Variants in DAB1 observed in about 807,000 individuals in gnomAD.
DAB1 encodes the protein disabled homolog 1.
In DAB1, 15 loss-of-function variants were observed where a neutral mutation model predicts 64.6. That is an observed-to-expected ratio of 0.23 (90% CI 0.16 to 0.36). The LOEUF (loss-of-function observed/expected upper bound fraction) is 0.36. Ranked by LOEUF, DAB1 falls within the 10% of genes least tolerant of loss-of-function variation. DAB1 has a pLI of 1.00. For missense variants in DAB1, 596 were observed against 706.7 expected (o/e 0.84, Z 1.78); for synonymous variants, 235 against 251.9 (o/e 0.93, Z 0.64).
At chr1:57,031,888 C>T (rs535921030) in intron 9 of DAB1, among the ~76,000 whole-genome samples, 1 of 152,240 alleles carries the variant, frequency 6.6e-6, no homozygotes, top group African/African-American at 2.4e-5. Flanking sequence ...AGTTTTGCCC[C>T]TTTTTTAGCC....
chr1:57,447,555 T>C (rs12033655), intron 7 of DAB1, among the ~76,000 whole-genome samples: 51,456 of 152,162 alleles, frequency 0.34, 9,133 homozygotes, highest in East Asian at 0.54. Context: ...CTGTGGGCTT[T>C]ATTTTCAGAA....
intron 3 of DAB1, among the ~76,000 whole-genome samples, chr1:58,422,804 T>C (rs1407822282): frequency 1.4e-5 from 2 of 143,456 alleles, no homozygotes; most frequent in Non-Finnish European, 3.1e-5. Flanking sequence ...CCTCTGCTAA[T>C]GCTACTGCAA....
intron 1 of DAB1, among the ~76,000 whole-genome samples, chr1:57,872,785 G>A (rs1442291619): frequency 3.3e-5 from 5 of 152,256 alleles, no homozygotes; most frequent in Admixed American, 6.5e-5. Context: ...ATGTTCCATA[G>A]AGAAGGGATG....
intron 4 of DAB1, among the ~76,000 whole-genome samples, chr1:58,311,673 C>T (rs934413387): frequency 6.6e-6 from 1 of 152,140 alleles, no homozygotes; most frequent in African/African-American, 2.4e-5. Flanking sequence ...CCCAACCCCC[C>T]TTTCTTCCTC....
intron 6 of DAB1, among the ~76,000 whole-genome samples, chr1:57,719,137 T>C (rs1647120293): frequency 6.6e-6 from 1 of 152,256 alleles, no homozygotes; most frequent in African/African-American, 2.4e-5. Context: ...AAAATTTCCA[T>C]GGCCGCTGAG....
At chr1:58,526,000 G>A (rs1646343657) in intron 2 of DAB1, among the ~76,000 whole-genome samples, 1 of 151,662 alleles carries the variant, frequency 6.6e-6, no homozygotes, top group Non-Finnish European at 1.5e-5. Context: ...CTATCCATAG[G>A]GGAAAAAAAA....
intron 2 of DAB1, among the ~76,000 whole-genome samples, chr1:57,224,501 C>T (rs1298503028): frequency 6.6e-6 from 1 of 152,192 alleles, no homozygotes; most frequent in Non-Finnish European, 1.5e-5. Context: ...AGATGCTGCT[C>T]TCTAACCAGT....
At chr1:57,338,948 C>T (rs544222769) in intron 1 of DAB1, among the ~76,000 whole-genome samples, 1 of 152,222 alleles carries the variant, frequency 6.6e-6, no homozygotes, top group Non-Finnish European at 1.5e-5. Flanking sequence ...AAGTTACTTA[C>T]CTTTTTTAAG....
At chr1:57,533,539 GTATATATATATATA>G (rs59378470) in intron 7 of DAB1, among the ~76,000 whole-genome samples, 104,842 of 143,864 alleles carry the variant, frequency 0.73, 38,056 homozygotes, top group South Asian at 0.82. Context: ...TTCATAACAG[GTATATATATATATA>G]TATATATATA....
At chr1:57,768,050 G>A (rs767685774) in intron 6 of DAB1, among the ~76,000 whole-genome samples, 3 of 151,518 alleles carry the variant, frequency 2.0e-5, no homozygotes, top group Admixed American at 6.6e-5. Context: ...GGTGGTGTGC[G>A]CCTGTAATCC....
At chr1:58,496,753 A>G (rs902440561) in intron 3 of DAB1, among the ~76,000 whole-genome samples, 5 of 152,188 alleles carry the variant, frequency 3.3e-5, no homozygotes, top group African/African-American at 1.2e-4. Context: ...TCTTAAGTCT[A>G]TTCCTGAATA....
chr1:58,222,264 T>C (rs1263836844), intron 4 of DAB1, among the ~76,000 whole-genome samples: 1 of 152,138 alleles, frequency 6.6e-6, no homozygotes, highest in Non-Finnish European at 1.5e-5. Context: ...GCTGTGTATA[T>C]GTATATATAC....
chr1:57,241,729 A>G (rs963066369), intron 2 of DAB1, among the ~76,000 whole-genome samples: 1 of 152,102 alleles, frequency 6.6e-6, no homozygotes, highest in African/African-American at 2.4e-5. Flanking sequence ...TCCTTGGAAT[A>G]AGGACCTCAC....
intron 7 of DAB1, among the ~76,000 whole-genome samples, chr1:57,562,905 C>T (rs765715730): frequency 1.3e-5 from 2 of 152,120 alleles, no homozygotes; most frequent in African/African-American, 4.8e-5. Context: ...TTGACCCAGA[C>T]TATCAAGACG....
At chr1:58,287,690 T>C (rs1036939331) in intron 4 of DAB1, among the ~76,000 whole-genome samples, 4 of 152,076 alleles carry the variant, frequency 2.6e-5, no homozygotes, top group African/African-American at 9.7e-5. Flanking sequence ...TCATATTCTA[T>C]TGGTCAAGCA....
intron 2 of DAB1, among the ~76,000 whole-genome samples, chr1:57,229,490 C>A (rs748282869): frequency 6.6e-6 from 1 of 151,602 alleles, no homozygotes; most frequent in Non-Finnish European, 1.5e-5. Context: ...CCACTGCGCC[C>A]GGCCTATAAT....
At chr1:58,096,844 A>C (rs1651014279) in intron 5 of DAB1, among the ~76,000 whole-genome samples, 1 of 152,206 alleles carries the variant, frequency 6.6e-6, no homozygotes, top group African/African-American at 2.4e-5. Flanking sequence ...TCTCCATAGG[A>C]CCCAGCGATC....
At chr1:57,572,196 T>C (rs1395646868) in intron 7 of DAB1, among the ~76,000 whole-genome samples, 2 of 152,174 alleles carry the variant, frequency 1.3e-5, no homozygotes, top group East Asian at 3.8e-4. Flanking sequence ...CAAAACCACA[T>C]GAATGAAACT....
intron 6 of DAB1, among the ~76,000 whole-genome samples, chr1:57,681,847 G>T (rs900242875): frequency 2.6e-5 from 4 of 152,122 alleles, no homozygotes; most frequent in Non-Finnish European, 4.4e-5. Context: ...AAAATGGGAA[G>T]ATTAATTAGA....
Sources: gnomAD v4.1 joint callset for allele counts (sites outside exome capture counted in the v4.1 genomes callset) on GRCh38, gnomAD v4.1.1 for gene constraint, MANE v1.5 for transcripts, NCBI Gene and HGNC (gene_info 2026-07-23, HGNC 2026-07-21) for gene names.